CTNND2: variants seen among roughly 807,000 people sequenced by gnomAD.
The protein encoded by CTNND2 is catenin delta 2, also known as catenin delta-2.
In CTNND2, 22 loss-of-function variants were observed where a neutral mutation model predicts 144.4. The observed-to-expected ratio is 0.15, with a 90% CI of 0.11 to 0.22. The LOEUF (loss-of-function observed/expected upper bound fraction) is 0.22, where lower values mean the gene tolerates loss of function less well. Among genes scored for constraint, CTNND2 ranks in the 10% least tolerant of loss-of-function variants. The pLI is 1.00. For missense variants in CTNND2, 1,353 were observed against 1,618.8 expected (o/e 0.84, Z 2.82); for synonymous variants, 751 against 695.6 (o/e 1.08, Z -1.25).
At position 11,154,642 on chromosome 5, in the gene CTNND2, C is replaced by T. The variant is rs73743468; in HGVS notation, c.2159+4934G>A. The stretch of plus-strand genomic sequence containing the variant: ...CTCTCTTATTTTCTTACTGGAGTGA[C>T]CATAATAGATTCCCAGGGCTGTCAG... On this transcript the variant is annotated intron_variant, in intron 12 of 21. Transcript: ENST00000304623. 6.7e-3 allele frequency among the ~76,000 whole-genome samples: 1,027 copies of T among 152,226 alleles called. 14 individuals carry two copies. Among genetic ancestry groups the T allele is most frequent in the African/African-American group, 0.024 (991 of 41,534 alleles).
intron 3 of CTNND2, among the ~76,000 whole-genome samples, chr5:11,428,663 T>A (rs1043822914): frequency 6.6e-6 from 1 of 152,230 alleles, no homozygotes; most frequent in African/African-American, 2.4e-5. Context: ...TCAGCATAGT[T>A]AGTAAAGCGT....
At chr5:11,091,063 G>A (rs1374699129) in intron 15 of CTNND2, among the ~76,000 whole-genome samples, 1 of 151,894 alleles carries the variant, frequency 6.6e-6, no homozygotes, top group Non-Finnish European at 1.5e-5. Context: ...TTAAATTTGG[G>A]AAATTTTCAG....
intron 2 of CTNND2, among the ~76,000 whole-genome samples, chr5:11,637,516 T>C (rs540135138): frequency 3.3e-5 from 5 of 152,308 alleles, no homozygotes; most frequent in African/African-American, 1.2e-4. Context: ...TTAAATTGCT[T>C]ATCTATTTAT....
intron 9 of CTNND2, among the ~76,000 whole-genome samples, chr5:11,240,418 ACT>A (rs1255073817): frequency 3.1e-5 from 4 of 130,306 alleles, no homozygotes; most frequent in Middle Eastern, 5.3e-3. Flanking sequence ...CACAACACAC[ACT>A]GACACACACT....
chr5:11,320,671 T>G (rs1190690769), intron 9 of CTNND2, among the ~76,000 whole-genome samples: 3 of 152,076 alleles, frequency 2.0e-5, no homozygotes, highest in Admixed American at 1.3e-4. Flanking sequence ...GCGTAGAAAC[T>G]CCCATTTTAA....
intron 3 of CTNND2, among the ~76,000 whole-genome samples, chr5:11,523,337 T>A (rs1334809864): frequency 1.3e-5 from 2 of 152,206 alleles, no homozygotes; most frequent in Non-Finnish European, 2.9e-5. Context: ...AAAAACTTCA[T>A]ATTTTTAACA....
intron 3 of CTNND2, among the ~76,000 whole-genome samples, chr5:11,507,048 TCA>T (rs1457402621): frequency 6.6e-6 from 1 of 152,184 alleles, no homozygotes; most frequent in African/African-American, 2.4e-5. Context: ...TCCTTTCTTT[TCA>T]CAGTCTCCGA....
At chr5:11,422,767 T>C (rs1762474444) in intron 3 of CTNND2, among the ~76,000 whole-genome samples, 1 of 152,220 alleles carries the variant, frequency 6.6e-6, no homozygotes, top group African/African-American at 2.4e-5. Flanking sequence ...GCTGTCACTG[T>C]GGGAAAGAAA....
At chr5:11,338,033 T>A (rs139941919) in intron 9 of CTNND2, among the ~76,000 whole-genome samples, 1 of 152,136 alleles carries the variant, frequency 6.6e-6, no homozygotes, top group Non-Finnish European at 1.5e-5. Flanking sequence ...ATGGATCCAC[T>A]TGTAATTCAT....
At chr5:11,290,763 C>T (rs1349115810) in intron 9 of CTNND2, among the ~76,000 whole-genome samples, 1 of 152,162 alleles carries the variant, frequency 6.6e-6, no homozygotes, top group Non-Finnish European at 1.5e-5. Context: ...ATCCCTCTAT[C>T]ACATTAAAAG....
intron 2 of CTNND2, among the ~76,000 whole-genome samples, chr5:11,629,200 C>T (rs1455062561): frequency 6.6e-6 from 1 of 152,102 alleles, no homozygotes; most frequent in African/African-American, 2.4e-5. Context: ...TAATGTATAT[C>T]AAGCATTTCT....
chr5:11,040,114 C>T (rs561534745), intron 16 of CTNND2, among the ~76,000 whole-genome samples: 21 of 152,010 alleles, frequency 1.4e-4, no homozygotes, highest in Non-Finnish European at 2.5e-4. Flanking sequence ...GGCATGGTGG[C>T]GGGTGCCTGT....
intron 2 of CTNND2, among the ~76,000 whole-genome samples, chr5:11,606,938 C>T (rs1780080429): frequency 1.3e-5 from 2 of 152,134 alleles, no homozygotes; most frequent in Admixed American, 1.3e-4. Flanking sequence ...AAAATAAGGT[C>T]TTTATAGACG....
intron 10 of CTNND2, among the ~76,000 whole-genome samples, chr5:11,213,020 T>C (rs528872306): frequency 1.3e-5 from 2 of 152,336 alleles, no homozygotes; most frequent in East Asian, 1.9e-4. Context: ...TTATCCATCA[T>C]GTAAAAGTGT....
At chr5:11,766,171 T>C (rs879851079) in intron 1 of CTNND2, among the ~76,000 whole-genome samples, 1 of 152,216 alleles carries the variant, frequency 6.6e-6, no homozygotes, top group East Asian at 1.9e-4. Context: ...TATACTTGCA[T>C]TGTCAACATC....
chr5:11,105,001 T>G (rs1752284351), intron 14 of CTNND2, among the ~76,000 whole-genome samples: 1 of 152,192 alleles, frequency 6.6e-6, no homozygotes, highest in Non-Finnish European at 1.5e-5. Context: ...TGATGCTGCC[T>G]ACTCCACAGA....
At chr5:11,133,343 A>C (rs990029685) in intron 12 of CTNND2, among the ~76,000 whole-genome samples, 2 of 151,908 alleles carry the variant, frequency 1.3e-5, no homozygotes, top group African/African-American at 4.8e-5. Context: ...TATATTCTTA[A>C]ATTTCTTTTT....
intron 3 of CTNND2, among the ~76,000 whole-genome samples, chr5:11,514,275 G>A (rs527852030): frequency 3.3e-5 from 5 of 152,140 alleles, no homozygotes; most frequent in African/African-American, 1.2e-4. Flanking sequence ...ATATATATAT[G>A]CACTATATAA....
At chr5:11,436,553 G>A (rs768446197) in intron 3 of CTNND2, among the ~76,000 whole-genome samples, 13 of 152,214 alleles carry the variant, frequency 8.5e-5, no homozygotes, top group South Asian at 2.1e-4. Context: ...CGAGAATTCC[G>A]CAAACTGCCA....
Sources: gnomAD v4.1 joint callset for allele counts (sites outside exome capture counted in the v4.1 genomes callset) on GRCh38, gnomAD v4.1.1 for gene constraint, MANE v1.5 for transcripts, NCBI Gene and HGNC (gene_info 2026-07-23, HGNC 2026-07-21) for gene names.